Variants in EEF2K observed in about 807,000 individuals in gnomAD.
The protein encoded by EEF2K is eukaryotic elongation factor 2 kinase.
A neutral mutation model predicts 93.8 loss-of-function variants in EEF2K; 70 were observed. The observed-to-expected ratio is 0.75, with a 90% confidence interval of 0.62 to 0.91. EEF2K has a LOEUF of 0.91. Among genes scored for constraint, EEF2K ranks in the 40% least tolerant of loss-of-function variants. The pLI is 0.00. For missense variants in EEF2K, 935 were observed against 972.9 expected, an observed-to-expected ratio of 0.96 and a Z score of 0.52; for synonymous variants, 376 against 380.8, an observed-to-expected ratio of 0.99 and a Z score of 0.15.
chr16:22,264,372 A>G (rs1460705290), intron 12 of EEF2K, among the ~76,000 whole-genome samples: 5 of 151,660 alleles, frequency 3.3e-5, no homozygotes, highest in East Asian at 1.9e-4. Context: ...TAGGAGGGCA[A>G]TGTGAGAGGA....
At chr16:22,255,096 C>T (rs1010661108) in intron 6 of EEF2K, among the ~76,000 whole-genome samples, 2 of 152,108 alleles carry the variant, frequency 1.3e-5, no homozygotes, top group African/African-American at 2.4e-5. Flanking sequence ...GCAAACATTG[C>T]CTGGCTCCTT....
At position 22,258,547 on chromosome 16, in the gene EEF2K, A is replaced by C; in HGVS notation, c.1083A>C (p.Gln361His). 1.2e-6 allele frequency: 2 copies of C among 1,614,084 alleles called. No homozygotes were observed. The highest frequency in any genetic ancestry group is 8.5e-7 in the Non-Finnish European group (1 of 1,180,020). ...RGTEEKCGSP[Q>H]VRTLSGSRPP... ...CAGAGGAAAAATGTGGGAGCCCCCAAGTAAGGACCCTCTCTGGGAGCCGGC... is the reference window on the plus strand; with the variant it reads ...CAGAGGAAAAATGTGGGAGCCCCCACGTAAGGACCCTCTCTGGGAGCCGGC... The change falls in exon 10 of 18, where the codon CAA becomes CAC. Residue 361 changes from glutamine (Q) to histidine (H), a missense_variant. Gln to His is a conservative substitution (Grantham distance 24, BLOSUM62 0). Transcript: ENST00000263026.
intron 13 of EEF2K, 43 bp downstream of exon 13, chr16:22,264,923 C>A (rs1205630804): frequency 2.5e-6 from 4 of 1,604,604 alleles, no homozygotes; most frequent in Non-Finnish European, 3.4e-6. Flanking sequence ...TCTTCCCTGT[C>A]TCCTCCAGGC....
chr16:22,279,378 C>T (rs1450976193), intron 16 of EEF2K, among the ~76,000 whole-genome samples: 1 of 151,806 alleles, frequency 6.6e-6, no homozygotes, highest in Non-Finnish European at 1.5e-5. Flanking sequence ...GCTGGGACTA[C>T]AGGTGTCCAT....
intron 15 of EEF2K, among the ~76,000 whole-genome samples, chr16:22,268,086 C>A (rs923608337): frequency 6.6e-6 from 1 of 152,010 alleles, no homozygotes; most frequent in African/African-American, 2.4e-5. Context: ...ATCTCAGACT[C>A]GAGGGTGGGA....
At chr16:22,263,359 A>G (rs1261263826) in intron 12 of EEF2K, 172 bp downstream of exon 12, 2 of 432,792 alleles carry the variant, frequency 4.6e-6, no homozygotes, top group Non-Finnish European at 7.6e-6. Context: ...CTGTAATCCC[A>G]GCACTTTGGG....
chr16:22,257,756 A>T lies in EEF2K; in HGVS notation c.1015A>T (p.Asn339Tyr). The change falls in exon 9 of 18, where the codon AAC (asparagine) becomes TAC (tyrosine). Residue 339 changes from asparagine (N) to tyrosine (Y), a missense_variant. Asn to Tyr is a moderately radical substitution (Grantham distance 143). Coordinates refer to ENST00000263026, the MANE Select transcript of EEF2K (RefSeq NM_013302.5). ...SPRERDAVNQ[N>Y]TKLLQSAKTI... is the part of the protein sequence containing the mutation. ...CCGGGAGAGGGATGCAGTGAATCAG[A>T]ACACCAAGCTGCTGGTGGGTGCCCA... 1.9e-6 allele frequency: 3 copies of T among 1,613,784 alleles called. No individual in the cohort carries two copies. Among genetic ancestry groups the T allele is most frequent in the Non-Finnish European group, 2.5e-6 (3 of 1,179,994 alleles).
At chr16:22,235,040 C>G (rs1189722429) in intron 2 of EEF2K, among the ~76,000 whole-genome samples, 2 of 151,248 alleles carry the variant, frequency 1.3e-5, no homozygotes, top group East Asian at 3.9e-4. Flanking sequence ...TGGTGAAACC[C>G]CATCTCTACT....
At chr16:22,254,486 G>A (rs1433860005) in intron 6 of EEF2K, among the ~76,000 whole-genome samples, 29 of 152,092 alleles carry the variant, frequency 1.9e-4, no homozygotes, top group Non-Finnish European at 4.4e-5. Context: ...GGGAAACCTG[G>A]ACCTAATCCT....
chr16:22,212,964 A>G (rs921465956), intron 1 of EEF2K, among the ~76,000 whole-genome samples: 1 of 151,894 alleles, frequency 6.6e-6, no homozygotes, highest in African/African-American at 2.4e-5. Context: ...AGAGATCAAG[A>G]CACCCACCCA....
intron 1 of EEF2K, among the ~76,000 whole-genome samples, chr16:22,214,379 C>T (rs2046940464): frequency 6.6e-6 from 1 of 151,868 alleles, no homozygotes; most frequent in African/African-American, 2.4e-5. Context: ...GAGACTGAGG[C>T]TGCCGTGAGC....
At chr16:22,257,119 C>T in intron 7 of EEF2K, 134 bp from the exon 8 acceptor site, 1 of 1,482,422 alleles carries the variant, frequency 6.7e-7, no homozygotes, top group Non-Finnish European at 9.1e-7. Context: ...ACTGAAGAGG[C>T]CTTTTTCCTT....
chr16:22,275,310 TTTTTTA>T (rs2047623730), intron 16 of EEF2K, among the ~76,000 whole-genome samples: 1 of 149,966 alleles, frequency 6.7e-6, no homozygotes, highest in African/African-American at 2.4e-5. Flanking sequence ...TTTCTCTTTA[TTTTTTA>T]TTTTTATTTT....
chr16:22,264,113 G>A (rs2047493154), intron 12 of EEF2K, among the ~76,000 whole-genome samples: 1 of 151,788 alleles, frequency 6.6e-6, no homozygotes, highest in Admixed American at 6.6e-5. Context: ...GGCCAACGTG[G>A]TGACCCCATC....
intron 1 of EEF2K, among the ~76,000 whole-genome samples, chr16:22,215,357 G>C (rs1433565803): frequency 1.3e-5 from 2 of 152,166 alleles, no homozygotes; most frequent in Non-Finnish European, 2.9e-5. Flanking sequence ...CCTGCAGATA[G>C]ATACAAGGGC....
chr16:22,264,289 C>CAAAAAAA (rs59993193), intron 12 of EEF2K, among the ~76,000 whole-genome samples: 1 of 39,898 alleles, frequency 2.5e-5, no homozygotes, highest in Admixed American at 3.8e-4. Flanking sequence ...GAGACTGTCT[C>CAAAAAAA]AAAAAAAAAA....
chr16:22,225,988 C>T lies in EEF2K; in HGVS notation c.246+13C>T, dbSNP rs772746951. The T allele has an allele frequency of 9.3e-6, 15 of 1,612,302 alleles. No individual in the cohort carries two copies. The South Asian group carries it at 1.1e-4, about 12-fold the overall frequency. ...CTTCCACTTCAAGGTGAGTGAGCCACCTATTCCACCTTCCCCACCTGGCTT... is the reference window on the plus strand; with the variant it reads ...CTTCCACTTCAAGGTGAGTGAGCCATCTATTCCACCTTCCCCACCTGGCTT... On this transcript the variant is annotated intron_variant, in intron 2 of 17. Coordinates refer to ENST00000263026, the MANE Select transcript of EEF2K (RefSeq NM_013302.5).
intron 2 of EEF2K, among the ~76,000 whole-genome samples, chr16:22,240,332 C>G (rs1371839000): frequency 1.3e-5 from 2 of 152,226 alleles, no homozygotes; most frequent in African/African-American, 4.8e-5. Flanking sequence ...TTATAGTTAT[C>G]TGATGTACTG....
At chr16:22,283,308 CAA>C (rs10540234) in intron 17 of EEF2K, among the ~76,000 whole-genome samples, 6,404 of 75,632 alleles carry the variant, frequency 0.085, 216 homozygotes, top group African/African-American at 0.21. Flanking sequence ...GACTCCATCT[CAA>C]AAAAAAAAAA....
Sources: gnomAD v4.1 joint callset for allele counts (sites outside exome capture counted in the v4.1 genomes callset) on GRCh38, gnomAD v4.1.1 for gene constraint, MANE v1.5 for transcripts, NCBI Gene and HGNC (gene_info 2026-07-23, HGNC 2026-07-21) for gene names.